Variants in DLG2 observed in about 807,000 individuals in gnomAD.
The protein encoded by DLG2 is disks large homolog 2.
DLG2 carries 45 observed loss-of-function variants against 132.5 expected under a neutral mutation model. The observed-to-expected ratio is 0.34, with a 90% CI of 0.27 to 0.44. The LOEUF (loss-of-function observed/expected upper bound fraction) is 0.44. Among genes scored for constraint, DLG2 ranks in the 20% least tolerant of loss-of-function variants. DLG2 has a pLI of 1.00. For missense variants in DLG2, 1,045 were observed against 1,196.9 expected (o/e 0.87, Z 1.87); for synonymous variants, 424 against 419.6 (o/e 1.01, Z -0.13).
chr11:83,680,128 G>A (rs1389057616), intron 18 of DLG2, among the ~76,000 whole-genome samples: 2 of 152,062 alleles, frequency 1.3e-5, no homozygotes, highest in African/African-American at 2.4e-5. Context: ...TTCTTTTGTT[G>A]CTATAAATAG....
Position 85,065,286 on chromosome 11 carries a change from T to A in DLG2, c.357+46375A>T, listed in dbSNP as rs116764646. On this transcript the variant is annotated intron_variant, in intron 6 of 27. Coordinates refer to ENST00000376104, the MANE Select transcript of DLG2 (RefSeq NM_001142699.3). ...ATCCCCCATAAATGCATCTTCCACATTGTCTACCTAGTCTATGTAAAATGC... is the reference window on the plus strand; with the variant it reads ...ATCCCCCATAAATGCATCTTCCACAATGTCTACCTAGTCTATGTAAAATGC... Among the ~76,000 whole-genome samples the A allele has an allele frequency of 8.2e-4, 124 of 151,644 alleles. 3 individuals are homozygous for A. In the East Asian group the frequency reaches 0.022, roughly 27 times the overall value.
chr11:83,794,531 C>A (rs1259282134), intron 17 of DLG2, among the ~76,000 whole-genome samples: 1 of 149,016 alleles, frequency 6.7e-6, no homozygotes, highest in African/African-American at 2.5e-5. Flanking sequence ...CCTCTCCTCT[C>A]CAAGAAAAAT....
intron 19 of DLG2, among the ~76,000 whole-genome samples, chr11:83,547,830 G>A (rs903942429): frequency 1.3e-5 from 2 of 152,148 alleles, no homozygotes; most frequent in Admixed American, 6.6e-5. Context: ...CTTTGGTACT[G>A]GAAGTGAGGT....
intron 6 of DLG2, among the ~76,000 whole-genome samples, chr11:84,912,142 AATTTATTT>A (rs142345341): frequency 2.6e-5 from 4 of 151,354 alleles, no homozygotes; most frequent in South Asian, 4.2e-4. Context: ...TGGCTTTCAC[AATTTATTT>A]ATTTATTTAT....
At chr11:83,864,684 G>A (rs17486172) in intron 16 of DLG2, among the ~76,000 whole-genome samples, 11,702 of 152,092 alleles carry the variant, frequency 0.077, 578 homozygotes, top group African/African-American at 0.13. Flanking sequence ...TGGCAATAAA[G>A]GGGCATCTGG....
chr11:83,705,742 A>G (rs1408343267), intron 18 of DLG2, among the ~76,000 whole-genome samples: 1 of 152,222 alleles, frequency 6.6e-6, no homozygotes. Context: ...AAAATATGCC[A>G]TAAAAGATTT....
intron 11 of DLG2, among the ~76,000 whole-genome samples, chr11:84,028,829 A>G (rs2095612588): frequency 6.6e-6 from 1 of 151,832 alleles, no homozygotes; most frequent in African/African-American, 2.4e-5. Context: ...CTTCTATGAC[A>G]CTCTTCTTGA....
intron 4 of DLG2, among the ~76,000 whole-genome samples, chr11:85,270,197 T>C (rs937871586): frequency 2.8e-4 from 43 of 152,056 alleles, no homozygotes; most frequent in African/African-American, 1.0e-3. Flanking sequence ...TAATGGGAGG[T>C]AATTGAATTA....
intron 3 of DLG2, among the ~76,000 whole-genome samples, chr11:85,397,337 AAG>A (rs2087499399): frequency 6.6e-6 from 1 of 152,234 alleles, no homozygotes. Context: ...CCAAATGGTA[AAG>A]AGCATCAATG....
At chr11:83,658,775 G>A (rs954622321) in intron 18 of DLG2, among the ~76,000 whole-genome samples, 1 of 152,196 alleles carries the variant, frequency 6.6e-6, no homozygotes, top group Non-Finnish European at 1.5e-5. Flanking sequence ...GCACCTTAAA[G>A]AAGTTTACCA....
intron 3 of DLG2, among the ~76,000 whole-genome samples, chr11:85,324,568 C>G (rs537975389): frequency 6.6e-6 from 1 of 152,240 alleles, no homozygotes; most frequent in South Asian, 2.1e-4. Context: ...AAAGTAAAAG[C>G]TGAAATCTAG....
intron 6 of DLG2, among the ~76,000 whole-genome samples, chr11:84,644,134 C>A (rs964827420): frequency 6.6e-6 from 1 of 152,092 alleles, no homozygotes; most frequent in African/African-American, 2.4e-5. Context: ...TATTAAGAAT[C>A]CAGAAATCAT....
intron 3 of DLG2, among the ~76,000 whole-genome samples, chr11:85,306,117 G>A (rs1238466568): frequency 2.0e-5 from 3 of 152,094 alleles, no homozygotes; most frequent in African/African-American, 2.4e-5. Flanking sequence ...ATTATTGTAA[G>A]ATTAAACTAA....
chr11:84,054,411 T>C (rs1405272927), intron 11 of DLG2, among the ~76,000 whole-genome samples: 2 of 152,038 alleles, frequency 1.3e-5, no homozygotes, highest in Non-Finnish European at 2.9e-5. Context: ...CCTAAATGGA[T>C]TTGCCTAATA....
chr11:85,588,200 G>A (rs1266780027), intron 3 of DLG2, among the ~76,000 whole-genome samples: 1 of 152,132 alleles, frequency 6.6e-6, no homozygotes, highest in Admixed American at 6.5e-5. Context: ...TTTTTGTGAT[G>A]AATTTACCAG....
chr11:84,050,568 G>A (rs2096352847), intron 11 of DLG2, among the ~76,000 whole-genome samples: 1 of 151,976 alleles, frequency 6.6e-6, no homozygotes, highest in Non-Finnish European at 1.5e-5. Flanking sequence ...ATTGCTTTTG[G>A]TGGTTTAGAC....
intron 6 of DLG2, among the ~76,000 whole-genome samples, chr11:84,567,891 G>A (rs979468065): frequency 6.6e-6 from 1 of 152,116 alleles, no homozygotes; most frequent in Non-Finnish European, 1.5e-5. Flanking sequence ...ATCTAAAAAG[G>A]GTAAGAAGAC....
At chr11:83,602,450 G>T (rs2058707611) in intron 19 of DLG2, among the ~76,000 whole-genome samples, 1 of 152,216 alleles carries the variant, frequency 6.6e-6, no homozygotes, top group African/African-American at 2.4e-5. Flanking sequence ...AAGAAAGGGT[G>T]GTTGGAAGTC....
chr11:85,186,062 A>T (rs521517), intron 4 of DLG2, among the ~76,000 whole-genome samples: 7 of 151,978 alleles, frequency 4.6e-5, no homozygotes, highest in Non-Finnish European at 7.4e-5. Flanking sequence ...TTGACATTAA[A>T]CTATGAACTT....
Sources: allele counts gnomAD v4.1 joint callset (sites outside exome capture counted in the v4.1 genomes callset), GRCh38; gene constraint gnomAD v4.1.1; transcripts MANE v1.5; gene names NCBI Gene and HGNC (gene_info 2026-07-23, HGNC 2026-07-21).